The following MCF2L2 variants were observed in gnomAD, a reference collection of about 807,000 sequenced individuals.
MCF2L2 encodes the protein probable guanine nucleotide exchange factor MCF2L2.
MCF2L2 carries 102 observed loss-of-function variants against 150.2 expected under a neutral mutation model. The observed-to-expected ratio is 0.68, with a 90% CI of 0.58 to 0.80. MCF2L2 has a LOEUF of 0.80. Among genes scored for constraint, MCF2L2 ranks in the 30% least tolerant of loss-of-function variants. The pLI is 0.00. For synonymous variants in MCF2L2, 465 were observed against 491.3 expected (o/e 0.95, Z 0.71); for missense variants, 1,256 against 1,372.8 (o/e 0.91, Z 1.34).
At position 183,395,673 on chromosome 3, in the gene MCF2L2, C is replaced by A. The variant is rs556126078; in HGVS notation, c.77-5894G>T. ...GTGGCTCATGCCTGTAATCCCAACA[C>A]TTTGGGAGGCCGAAGTGGGAGGATC... On this transcript the variant is annotated intron_variant, in intron 1 of 29. Coordinates refer to ENST00000328913, the MANE Select transcript of MCF2L2 (RefSeq NM_015078.4). Among the ~76,000 whole-genome samples, 11 of 152,236 alleles carry A rather than the reference C, an allele frequency of 7.2e-5. No homozygotes were observed. The South Asian group carries it at 2.3e-3, about 32-fold the overall frequency.
chr3:183,284,893 G>A (rs193121676), intron 14 of MCF2L2, among the ~76,000 whole-genome samples: 10 of 152,258 alleles, frequency 6.6e-5, no homozygotes, highest in Non-Finnish European at 1.3e-4. Context: ...ATTTGGTGGC[G>A]TCCCTGAATC....
At chr3:183,314,108 C>T (rs1210755146) in intron 7 of MCF2L2, among the ~76,000 whole-genome samples, 1 of 152,188 alleles carries the variant, frequency 6.6e-6, no homozygotes, top group Admixed American at 6.5e-5. Context: ...CTTTCTGTCC[C>T]TCAGATGAGA....
At chr3:183,369,745 T>C (rs1712751103) in intron 3 of MCF2L2, among the ~76,000 whole-genome samples, 1 of 152,154 alleles carries the variant, frequency 6.6e-6, no homozygotes, top group Admixed American at 6.5e-5. Flanking sequence ...TTTCCAAATT[T>C]ATGAACCTCC....
chr3:183,248,937 G>A (rs903893078), intron 15 of MCF2L2, among the ~76,000 whole-genome samples: 10 of 152,192 alleles, frequency 6.6e-5, no homozygotes, highest in East Asian at 3.9e-4. Context: ...ACAAATGATC[G>A]CCTCTGGGCC....
rs973958757 is a variant in MCF2L2, at chr3:183,219,901, A to G, written c.2325T>C (p.Pro775=). The G allele has an allele frequency of 2.5e-6, 4 of 1,613,568 alleles. No homozygotes were observed. The East Asian group carries it at 8.9e-5, about 36-fold the overall frequency. The change falls in exon 21 of 30, where the codon CCT becomes CCC. Residue 775 remains proline (P), a synonymous_variant. Transcript: ENST00000328913. ...CACCTGGGTCTATCTCCATATCTTC[A>G]GGAGACTCGAAATCCAGCAGACCCT... ...LLKGLLDFES[P]EDMEIDPGEL...
Position 183,274,449 on chromosome 3 carries a change from C to T in MCF2L2, c.1862+2423G>A, listed in dbSNP as rs143090848. ...ACCTACTTTGGAGTGTCTGGTGCTTCGATATAGTTGCATGTAATGTGCTCT... is the reference window on the plus strand; with the variant it reads ...ACCTACTTTGGAGTGTCTGGTGCTTTGATATAGTTGCATGTAATGTGCTCT... On this transcript the variant is annotated intron_variant, in intron 15 of 29. Coordinates refer to ENST00000328913, the MANE Select transcript of MCF2L2 (RefSeq NM_015078.4). Among the ~76,000 whole-genome samples the T allele has an allele frequency of 5.2e-3, 794 of 152,246 alleles. 5 individuals are homozygous for T. Among genetic ancestry groups the T allele is most frequent in the Middle Eastern group, 0.02 (6 of 294 alleles).
chr3:183,292,446 C>T (rs984461517), intron 13 of MCF2L2, among the ~76,000 whole-genome samples: 3 of 152,026 alleles, frequency 2.0e-5, no homozygotes, highest in African/African-American at 4.8e-5. Flanking sequence ...GACTCCCCAA[C>T]AATAAATACT....
chr3:183,313,232 AACACACAC>A (rs111694523), intron 7 of MCF2L2, among the ~76,000 whole-genome samples: 1 of 149,302 alleles, frequency 6.7e-6, no homozygotes, highest in African/African-American at 2.5e-5. Context: ...AGCTTCCAGC[AACACACAC>A]ACACACACAC....
intron 5 of MCF2L2, among the ~76,000 whole-genome samples, chr3:183,333,085 C>T (rs896041074): frequency 3.9e-5 from 6 of 152,076 alleles, no homozygotes; most frequent in Admixed American, 1.3e-4. Context: ...CTTGCTCTGT[C>T]GCCCAGGTTG....
chr3:183,361,567 T>C (rs914385810), intron 3 of MCF2L2, among the ~76,000 whole-genome samples: 1 of 152,218 alleles, frequency 6.6e-6, no homozygotes, highest in Non-Finnish European at 1.5e-5. Flanking sequence ...CCCTTCGCCT[T>C]CCACTGTGAT....
chr3:183,273,184 G>A (rs1277797160), intron 15 of MCF2L2: 4 of 488,696 alleles, frequency 8.2e-6, no homozygotes, highest in East Asian at 3.5e-5. Flanking sequence ...AGCTTGGATG[G>A]TCACTTGAAT....
intron 15 of MCF2L2, among the ~76,000 whole-genome samples, chr3:183,263,869 C>T (rs1011578293): frequency 1.3e-5 from 2 of 152,144 alleles, no homozygotes; most frequent in African/African-American, 4.8e-5. Flanking sequence ...TTCATCAGGT[C>T]CTGCTAGGTC....
intron 18 of MCF2L2, chr3:183,224,642 A>C (rs1723279565): frequency 6.5e-6 from 1 of 153,060 alleles, no homozygotes; most frequent in South Asian, 2.1e-4. Context: ...CAACCCTGCA[A>C]AGAAGCCCAA....
At chr3:183,364,721 A>T (rs938275464) in intron 3 of MCF2L2, among the ~76,000 whole-genome samples, 2 of 152,206 alleles carry the variant, frequency 1.3e-5, no homozygotes, top group African/African-American at 4.8e-5. Context: ...AAGGAACTGA[A>T]GCAAAAAATT....
chr3:183,395,737 G>A (rs1714402552), intron 1 of MCF2L2, among the ~76,000 whole-genome samples: 1 of 151,868 alleles, frequency 6.6e-6, no homozygotes, highest in African/African-American at 2.4e-5. Context: ...TGGCCAACAT[G>A]GTAGAACCCC....
At chr3:183,342,429 A>G (rs1271962882) in intron 3 of MCF2L2, among the ~76,000 whole-genome samples, 2 of 152,146 alleles carry the variant, frequency 1.3e-5, no homozygotes, top group Non-Finnish European at 2.9e-5. Flanking sequence ...ATTACCAGTA[A>G]TGAGATGGTT....
At chr3:183,232,665 T>A (rs949626113) in intron 15 of MCF2L2, among the ~76,000 whole-genome samples, 1 of 152,006 alleles carries the variant, frequency 6.6e-6, no homozygotes, top group African/African-American at 2.4e-5. Context: ...AATGATCCAA[T>A]AGAAAAAAAT....
chr3:183,338,995 C>G, intron 4 of MCF2L2, 76 bp from the exon 5 acceptor site: 1 of 1,424,450 alleles, frequency 7.0e-7, no homozygotes, highest in Non-Finnish European at 9.5e-7. Flanking sequence ...TTTGGTCTCC[C>G]CTTGCCCAAG....
At chr3:183,350,402 A>G in intron 3 of MCF2L2, among the ~76,000 whole-genome samples, 1 of 152,110 alleles carries the variant, frequency 6.6e-6, no homozygotes, top group East Asian at 1.9e-4. Flanking sequence ...TGTATTTCTT[A>G]AGGTAACACT....
Sources: gnomAD v4.1 joint callset for allele counts (sites outside exome capture counted in the v4.1 genomes callset) on GRCh38, gnomAD v4.1.1 for gene constraint, MANE v1.5 for transcripts, NCBI Gene and HGNC (gene_info 2026-07-23, HGNC 2026-07-21) for gene names.